The following TRAPPC10 variants were observed in gnomAD, a reference collection of about 807,000 sequenced individuals.
TRAPPC10 encodes trafficking protein particle complex subunit 10, also known as TRAPP 130 kDa subunit.
A neutral mutation model predicts 125.5 loss-of-function variants in TRAPPC10; 23 were observed. That is an observed-to-expected ratio of 0.18 (90% CI 0.13 to 0.26). The LOEUF is 0.26. Among genes scored for constraint, TRAPPC10 ranks in the 10% least tolerant of loss-of-function variants. TRAPPC10 has a pLI of 1.00. For missense variants in TRAPPC10, 1,123 were observed against 1,308.4 expected (o/e 0.86, Z 2.19); for synonymous variants, 509 against 518.0 (o/e 0.98, Z 0.24).
intron 2 of TRAPPC10, among the ~76,000 whole-genome samples, chr21:44,034,575 G>T (rs1255454759): frequency 6.6e-6 from 1 of 152,178 alleles, no homozygotes; most frequent in Admixed American, 6.5e-5. Flanking sequence ...CCAGGGAAAA[G>T]ACTACGTTTT....
At chr21:44,091,787 T>C in intron 18 of TRAPPC10, 136 bp from the exon 19 acceptor site, 1 of 858,678 alleles carries the variant, frequency 1.2e-6, no homozygotes, top group Non-Finnish European at 1.7e-6. Context: ...GAAGGGAAAC[T>C]TATGCAACAA....
intron 19 of TRAPPC10, 106 bp from the exon 20 acceptor site, chr21:44,093,957 G>A: frequency 8.3e-7 from 1 of 1,209,668 alleles, no homozygotes. Flanking sequence ...GCCTGCCCAT[G>A]GTGTCTGCTC....
intron 1 of TRAPPC10, among the ~76,000 whole-genome samples, chr21:44,013,136 G>T (rs957000125): frequency 7.7e-6 from 1 of 130,018 alleles, no homozygotes; most frequent in Non-Finnish European, 1.5e-5. Context: ...CCGAGGCTCG[G>T]GCGCTTAGGC....
intron 11 of TRAPPC10, among the ~76,000 whole-genome samples, chr21:44,078,441 A>T (rs1175179412): frequency 3.2e-5 from 2 of 62,396 alleles, no homozygotes; most frequent in African/African-American, 1.7e-4. Context: ...TTCATTTTCT[A>T]AAAAAAAAAA....
Position 44,094,174 on chromosome 21 carries a change from G to A in TRAPPC10, c.3109G>A (p.Glu1037Lys). ...TGTTGGATTTTCCCCAGCTTCTGAG[G>A]AACAGCTGTCTATCTCCTTAAAGCC... ...FSVGFSPASE[E>K]QLSISLKPYT... The change falls in exon 20 of 23, where the codon GAA becomes AAA. Residue 1037 changes from glutamate to lysine, a missense_variant. Transcript: ENST00000291574. 2 of 1,614,186 alleles carry A rather than the reference G, an allele frequency of 1.2e-6. No individual in the cohort carries two copies. The highest frequency in any genetic ancestry group is 8.5e-7 in the Non-Finnish European group (1 of 1,180,040).
chr21:44,081,005 C>CTTTTTTTTTTTTTT (rs71326026), intron 13 of TRAPPC10, among the ~76,000 whole-genome samples: 2 of 103,870 alleles, frequency 1.9e-5, no homozygotes, highest in Non-Finnish European at 2.2e-5. Flanking sequence ...TATTATTGTT[C>CTTTTTTTTTTTTTT]TTTTTTTTTT....
Position 44,084,166 on chromosome 21 carries a change from G to A in TRAPPC10, c.2283G>A (p.Ser761=), listed in dbSNP as rs757604604. The A allele has an allele frequency of 9.9e-6, 16 of 1,614,038 alleles. No individual in the cohort carries two copies. Among genetic ancestry groups the A allele is most frequent in the Middle Eastern group, 1.6e-4 (1 of 6,084 alleles). ...ATACACTCAGGCAGCTGTGCGCCTC[G>A]GTGGGCTCCGTGTGGTTCGTCCTCC... ...GTYTLRQLCA[S]VGSVWFVLPH... Residue 761 remains serine, a synonymous_variant, in exon 15 of 23, where the codon TCG becomes TCA. Transcript: ENST00000291574.
rs938438950 is a variant in TRAPPC10, at chr21:44,014,600, T to G, written c.67+2040T>G. Among the ~76,000 whole-genome samples, 872 of 151,210 alleles carry G rather than the reference T, an allele frequency of 5.8e-3. 14 individuals carry two copies. The highest frequency in any genetic ancestry group is 0.02 in the African/African-American group (815 of 41,060). On this transcript the variant is annotated intron_variant, in intron 1 of 22. Transcript: ENST00000291574. ...TTTTGTTTGTTTGTTTTTGTTTTTT[T>G]TTTTTTTCAGTAGAGACAGAGTTTC...
intron 1 of TRAPPC10, among the ~76,000 whole-genome samples, chr21:44,020,700 A>T (rs894580118): frequency 1.3e-5 from 2 of 152,212 alleles, no homozygotes; most frequent in Non-Finnish European, 2.9e-5. Flanking sequence ...GGAACTGACA[A>T]CCACCTGTTT....
At chr21:44,035,972 G>C (rs980087440) in intron 2 of TRAPPC10, among the ~76,000 whole-genome samples, 1 of 152,126 alleles carries the variant, frequency 6.6e-6, no homozygotes, top group African/African-American at 2.4e-5. Context: ...ATTGCTAAAA[G>C]CAGGAATGGG....
intron 3 of TRAPPC10, chr21:44,046,793 C>A: frequency 9.6e-6 from 5 of 521,126 alleles, no homozygotes; most frequent in Non-Finnish European, 1.8e-5. Context: ...CAGGCATAAG[C>A]CACCGCACCC....
chr21:44,052,209 T>C (rs1446925294), intron 3 of TRAPPC10, 71 bp from the exon 4 acceptor site: 5 of 1,324,980 alleles, frequency 3.8e-6, no homozygotes, highest in Non-Finnish European at 5.2e-6. Flanking sequence ...AGGCTGTTAT[T>C]AGGCACATTT....
rs1439114934 is a variant in TRAPPC10, at chr21:44,012,514, G to T, written c.21G>T (p.Pro7=). ...CGCCCATGGACGCCTCTGAGGAGCCGCTGCCGCCGGTGATCTACACCATGG... is the reference window on the plus strand; with the variant it reads ...CGCCCATGGACGCCTCTGAGGAGCCTCTGCCGCCGGTGATCTACACCATGG... MDASEE[P]LPPVIYTMEN... Residue 7 remains proline (P), a synonymous_variant, in exon 1 of 23, where the codon CCG becomes CCT. Transcript: ENST00000291574. 1 of 1,529,380 alleles carries T rather than the reference G, an allele frequency of 6.5e-7. No individual in the cohort carries two copies. The highest frequency in any genetic ancestry group is 1.2e-5 in the South Asian group (1 of 82,882). 94.7% of individuals were successfully genotyped at this position (1,529,380 alleles called of 1,614,324 possible).
At chr21:44,025,820 G>GT (rs1256166935) in intron 1 of TRAPPC10, among the ~76,000 whole-genome samples, 8 of 138,258 alleles carry the variant, frequency 5.8e-5, no homozygotes, top group African/African-American at 2.2e-4. Flanking sequence ...CAGAGGGCAG[G>GT]GGTGTGTGTG....
chr21:44,084,903 G>A (rs2038022257), intron 15 of TRAPPC10, among the ~76,000 whole-genome samples: 1 of 152,234 alleles, frequency 6.6e-6, no homozygotes, highest in African/African-American at 2.4e-5. Flanking sequence ...ATGAAGAAGT[G>A]TGGAGGGTGA....
chr21:44,047,563 T>G (rs8130299), intron 3 of TRAPPC10, among the ~76,000 whole-genome samples: 1 of 147,866 alleles, frequency 6.8e-6, no homozygotes, highest in Non-Finnish European at 1.5e-5. Context: ...TGTGTGTGTG[T>G]GTGCGCGCAC....
chr21:44,039,231 T>C (rs1294258291), intron 3 of TRAPPC10, among the ~76,000 whole-genome samples: 1 of 152,184 alleles, frequency 6.6e-6, no homozygotes, highest in Admixed American at 6.5e-5. Context: ...TGCTGACCTT[T>C]CCACCCATCT....
rs550361391 is a variant in TRAPPC10, at chr21:44,049,508, C to T, written c.286-2772C>T. On this transcript the variant is annotated intron_variant, in intron 3 of 22. Coordinates refer to ENST00000291574, the MANE Select transcript of TRAPPC10 (RefSeq NM_003274.5). The stretch of plus-strand genomic sequence containing the variant: ...ACTTGATCTGCAATTAGGACAGGCT[C>T]GGGACTTAAATTGAATAAAAAGGCA... Among the ~76,000 whole-genome samples, 17 of 152,326 alleles carry T rather than the reference C, an allele frequency of 1.1e-4. No homozygotes were observed. The South Asian group carries it at 3.1e-3, about 28-fold the overall frequency.
Position 44,091,974 on chromosome 21 carries a change from G to T in TRAPPC10, c.2922G>T (p.Leu974=). Reference sequence around the variant, plus strand: ...ATTTGTCAGAACTTGACTTTCAGCTGTCAGATAGTTATCTTGTAGATACCG... The same window carrying T: ...ATTTGTCAGAACTTGACTTTCAGCTTTCAGATAGTTATCTTGTAGATACCG... The part of the protein sequence containing the change: ...VQNLSELDFQ[L]SDSYLVDTGD... The change falls in exon 19 of 23, where the codon CTG becomes CTT. Residue 974 remains leucine (L), a synonymous_variant. Transcript: ENST00000291574. The T allele has an allele frequency of 6.2e-7, 1 of 1,614,132 alleles. No individual in the cohort carries two copies. The highest frequency in any genetic ancestry group is 8.5e-7 in the Non-Finnish European group (1 of 1,180,020).
Sources: gnomAD v4.1 joint callset for allele counts (sites outside exome capture counted in the v4.1 genomes callset) on GRCh38, gnomAD v4.1.1 for gene constraint, MANE v1.5 for transcripts, NCBI Gene and HGNC (gene_info 2026-07-23, HGNC 2026-07-21) for gene names.